The following ATP8A2 variants were observed in gnomAD, a reference collection of about 807,000 sequenced individuals.
ATP8A2 encodes ATPase phospholipid transporting 8A2, also known as phospholipid-transporting ATPase IB.
Under a neutral mutation model 165.6 loss-of-function variants are expected in ATP8A2, and 100 were observed. The observed-to-expected ratio is 0.60, with a 90% CI of 0.51 to 0.71. The LOEUF (loss-of-function observed/expected upper bound fraction) is 0.71. Ranked by LOEUF, ATP8A2 falls within the 30% of genes least tolerant of loss-of-function variation. The pLI, the probability that ATP8A2 is intolerant of heterozygous loss-of-function variation, is 0.00. For missense variants in ATP8A2, 1,227 were observed against 1,479.5 expected (o/e 0.83, Z 2.80); for synonymous variants, 543 against 548.8 (o/e 0.99, Z 0.15).
intron 2 of ATP8A2, among the ~76,000 whole-genome samples, chr13:25,512,961 T>C: frequency 7.8e-6 from 1 of 128,876 alleles, no homozygotes; most frequent in African/African-American, 2.8e-5. Context: ...GGTGGGGGGC[T>C]GACCCCCCCA....
intron 30 of ATP8A2, among the ~76,000 whole-genome samples, chr13:25,841,357 A>T (rs1951743756): frequency 6.6e-6 from 1 of 152,166 alleles, no homozygotes; most frequent in Non-Finnish European, 1.5e-5. Context: ...TCCTCTTTTT[A>T]TTATCACCAT....
At position 25,920,402 on chromosome 13, in the gene ATP8A2, AAC is replaced by A. The variant is rs140788252; in HGVS notation, c.3184-41159_3184-41158del. 5.5e-3 allele frequency among the ~76,000 whole-genome samples: 832 copies of A among 151,628 alleles called. 4 individuals carry two copies. Among genetic ancestry groups the A allele is most frequent in the Non-Finnish European group, 9.4e-3 (640 of 67,770 alleles). On this transcript the variant is annotated intron_variant, in intron 33 of 36. Coordinates refer to ENST00000381655, the MANE Select transcript of ATP8A2 (RefSeq NM_016529.6). ...GATGTATCAATCTACACACATTATT[AAC>A]ACACACACACACATCCTAAGCTCGG...
intron 1 of ATP8A2, among the ~76,000 whole-genome samples, chr13:25,405,690 A>G (rs9581336): frequency 0.022 from 3,333 of 152,294 alleles, 108 homozygotes; most frequent in African/African-American, 0.076. Flanking sequence ...CTGGATCATG[A>G]GTTTTGAAAA....
chr13:25,971,699 G>A (rs114872370), intron 35 of ATP8A2, among the ~76,000 whole-genome samples: 6,920 of 152,160 alleles, frequency 0.045, 163 homozygotes, highest in Non-Finnish European at 0.053. Flanking sequence ...TGTGCACAAA[G>A]TGGCCACAGA....
intron 24 of ATP8A2, among the ~76,000 whole-genome samples, chr13:25,695,050 C>T (rs1343870034): frequency 6.6e-6 from 1 of 151,986 alleles, no homozygotes; most frequent in Admixed American, 6.6e-5. Flanking sequence ...TCGTCTATTG[C>T]AGGCATACCT....
At chr13:25,699,379 CTG>C in intron 25 of ATP8A2, 34 bp downstream of exon 25, 1 of 1,499,308 alleles carries the variant, frequency 6.7e-7, no homozygotes, top group Non-Finnish European at 9.0e-7. Context: ...AGTTCACACT[CTG>C]CTGTGTCTGT....
chr13:25,874,851 A>G (rs1427104086), intron 33 of ATP8A2, among the ~76,000 whole-genome samples: 1 of 152,008 alleles, frequency 6.6e-6, no homozygotes, highest in Non-Finnish European at 1.5e-5. Flanking sequence ...AACAAAATAC[A>G]ATATATACAC....
At chr13:25,394,864 G>A (rs925575863) in intron 1 of ATP8A2, among the ~76,000 whole-genome samples, 1 of 152,148 alleles carries the variant, frequency 6.6e-6, no homozygotes, top group African/African-American at 2.4e-5. Context: ...GCAGTGAGTG[G>A]AGCCTGCATG....
intron 30 of ATP8A2, among the ~76,000 whole-genome samples, chr13:25,848,017 G>A (rs1376261020): frequency 2.6e-5 from 4 of 152,166 alleles, no homozygotes; most frequent in Admixed American, 2.6e-4. Flanking sequence ...TCCTCAGTCA[G>A]CATACCTACC....
intron 27 of ATP8A2, 127 bp downstream of exon 27, chr13:25,775,086 C>A: frequency 1.7e-6 from 1 of 593,614 alleles, no homozygotes; most frequent in Non-Finnish European, 2.9e-6. Flanking sequence ...TGACTTTCTA[C>A]AGCCTGGGTC....
chr13:25,540,175 A>G (rs2038425304), intron 7 of ATP8A2, 144 bp from the exon 8 acceptor site: 3 of 645,684 alleles, frequency 4.6e-6, no homozygotes, highest in South Asian at 3.8e-5. Context: ...TTTTTCATCC[A>G]TTACTCCTAC....
intron 18 of ATP8A2, among the ~76,000 whole-genome samples, chr13:25,572,948 T>A (rs1430774520): frequency 6.6e-6 from 1 of 152,196 alleles, no homozygotes; most frequent in African/African-American, 2.4e-5. Flanking sequence ...AAAGTACCCA[T>A]TTATTGGCAT....
At chr13:25,877,490 T>C (rs1043237648) in intron 33 of ATP8A2, among the ~76,000 whole-genome samples, 3 of 152,244 alleles carry the variant, frequency 2.0e-5, no homozygotes, top group Non-Finnish European at 4.4e-5. Flanking sequence ...CATTGAGTTG[T>C]TTATATTCAT....
intron 1 of ATP8A2, among the ~76,000 whole-genome samples, chr13:25,402,138 C>A (rs1365275536): frequency 6.6e-6 from 1 of 152,110 alleles, no homozygotes; most frequent in Non-Finnish European, 1.5e-5. Context: ...GCATCCTTAT[C>A]GTGAATTCGC....
rs117604319 is a variant in ATP8A2, at chr13:25,575,020, T to C, written c.1712+163T>C. Among the ~76,000 whole-genome samples, 37 of 152,362 alleles carry C rather than the reference T, an allele frequency of 2.4e-4. No homozygotes were observed. In the East Asian group the frequency reaches 7.1e-3, roughly 29 times the overall value. ...CTTTTCTTCTTGGAATTTGTGACTT[T>C]CATTAAAGAAAGTGAAGTAGGTTAT... On this transcript the variant is annotated intron_variant, in intron 19 of 36. Transcript: ENST00000381655.
At chr13:25,988,886 GTTA>G (rs1593677905) in intron 35 of ATP8A2, among the ~76,000 whole-genome samples, 1 of 152,234 alleles carries the variant, frequency 6.6e-6, no homozygotes, top group Non-Finnish European at 1.5e-5. Context: ...TATGGAGGGA[GTTA>G]TTATATTCTC....
chr13:25,971,242 G>C (rs1243334425), intron 35 of ATP8A2, among the ~76,000 whole-genome samples: 2 of 151,944 alleles, frequency 1.3e-5, no homozygotes, highest in Non-Finnish European at 2.9e-5. Context: ...CTGCAAACTG[G>C]ATAATGGTGG....
At chr13:25,466,444 C>G (rs1156792557) in intron 1 of ATP8A2, among the ~76,000 whole-genome samples, 3 of 152,188 alleles carry the variant, frequency 2.0e-5, no homozygotes, top group Non-Finnish European at 4.4e-5. Context: ...CCTCCCAGCA[C>G]AAAGAGGCTG....
intron 33 of ATP8A2, 116 bp downstream of exon 33, chr13:25,862,524 G>T (rs1952389526): frequency 1.3e-6 from 1 of 745,578 alleles, no homozygotes. Context: ...AGGAGAGGCT[G>T]GTCCTTCCTG....
Sources: allele counts gnomAD v4.1 joint callset (sites outside exome capture counted in the v4.1 genomes callset), GRCh38; gene constraint gnomAD v4.1.1; transcripts MANE v1.5; gene names NCBI Gene and HGNC (gene_info 2026-07-23, HGNC 2026-07-21).